SLC37A3: variants seen among roughly 807,000 people sequenced by gnomAD.
The protein encoded by SLC37A3 is sugar phosphate exchanger 3.
In SLC37A3, 51 loss-of-function variants were observed where a neutral mutation model predicts 67.1. The ratio of observed to expected loss-of-function variants is 0.76; its 90% CI spans 0.61 to 0.96. The LOEUF is 0.96. Ranked by LOEUF, SLC37A3 falls within the 40% of genes least tolerant of loss-of-function variation. SLC37A3 has a pLI of 0.00. For missense variants in SLC37A3, 508 were observed against 603.0 expected, an observed-to-expected ratio of 0.84 and a Z score of 1.65; for synonymous variants, 214 against 231.4, an observed-to-expected ratio of 0.92 and a Z score of 0.68.
chr7:140,357,202 G>A lies in SLC37A3; in HGVS notation c.521+1438C>T, dbSNP rs539166290. On this transcript the variant is annotated intron_variant, in intron 6 of 14. Transcript: ENST00000326232. ...GCACTCCAGCCTGGGCAGTAAGAGC[G>A]AAACTCTGTCCTGGGGAAAAACAAA... Among the ~76,000 whole-genome samples, 9 of 151,928 alleles carry A rather than the reference G, an allele frequency of 5.9e-5. No homozygotes were observed. In the South Asian group the frequency reaches 1.7e-3, roughly 28 times the overall value.
chr7:140,349,717 A>G (rs1796717224), intron 9 of SLC37A3, among the ~76,000 whole-genome samples: 1 of 152,214 alleles, frequency 6.6e-6, no homozygotes, highest in Non-Finnish European at 1.5e-5. Flanking sequence ...ACAGCCTGCT[A>G]CAAAGACAAA....
At chr7:140,350,503 G>T (rs551220806) in intron 9 of SLC37A3, among the ~76,000 whole-genome samples, 1 of 151,762 alleles carries the variant, frequency 6.6e-6, no homozygotes, top group Non-Finnish European at 1.5e-5. Context: ...GGTGGCTCAC[G>T]CCTGTAATCC....
intron 7 of SLC37A3, among the ~76,000 whole-genome samples, chr7:140,353,778 T>A (rs572634850): frequency 1.8e-4 from 28 of 152,052 alleles, no homozygotes; most frequent in African/African-American, 6.5e-4. Context: ...AATGGCATGA[T>A]CTTGGCTCAC....
chr7:140,383,703 G>T (rs1798343104), intron 1 of SLC37A3, among the ~76,000 whole-genome samples: 1 of 151,460 alleles, frequency 6.6e-6, no homozygotes, highest in South Asian at 2.1e-4. Context: ...TTGAGACAGG[G>T]TCTCACTCTG....
At position 140,345,324 on chromosome 7, in the gene SLC37A3, C is replaced by T. The variant is rs1311835393; in HGVS notation, c.1127-61G>A. On this transcript the variant is annotated intron_variant, in intron 11 of 14. Transcript: ENST00000326232. ...GAAAAGCAGACTCCACGTGCCTCTG[C>T]CAACCGTACGCGAAGATCTGAATCT... 2.3e-6 allele frequency: 3 copies of T among 1,317,460 alleles called. No homozygotes were observed. The African/African-American group carries it at 4.3e-5, about 19-fold the overall frequency. The allele number at this position is 1,317,460 out of a possible 1,614,324, so 81.6% of individuals were successfully genotyped here. A position where few individuals can be genotyped will look rare whatever the true frequency, so the allele number is the denominator to read the frequency against.
Position 140,345,260 on chromosome 7 carries a change from G to A in SLC37A3, c.1130C>T (p.Ser377Phe). 1 of 1,613,952 alleles carries A rather than the reference G, an allele frequency of 6.2e-7. No individual in the cohort carries two copies. Among genetic ancestry groups the A allele is most frequent in the Non-Finnish European group, 8.5e-7 (1 of 1,179,830 alleles). Residue 377 changes from serine to phenylalanine, a missense_variant, in exon 12 of 15, where the codon TCT becomes TTT. Physicochemically the swap from Ser to Phe is radical, Grantham distance 155 (BLOSUM62 -2). Coordinates refer to ENST00000326232, the MANE Select transcript of SLC37A3 (RefSeq NM_207113.3). Reference protein sequence around the residue: ...AVGSLIGYSRSPNDKSINALL... With the variant: ...AVGSLIGYSRFPNDKSINALL... ...GGCATTGATGGACTTATCATTTGGA[G>A]AACCTGTGAGGGAAGACACAGACAA... is the stretch of plus-strand genomic sequence containing the variant.
chr7:140,387,743 T>TATATAAATATAAATATATTATATATATTA (rs1256381970), intron 1 of SLC37A3, among the ~76,000 whole-genome samples: 1 of 21,294 alleles, frequency 4.7e-5, no homozygotes, highest in Non-Finnish European at 8.0e-5. Flanking sequence ...ATACTATATA[T>TATATAAATATAAATATATTATATATATTA]TATATAAATA....
At chr7:140,381,403 T>C (rs1798247513) in intron 2 of SLC37A3, among the ~76,000 whole-genome samples, 1 of 151,852 alleles carries the variant, frequency 6.6e-6, no homozygotes. Flanking sequence ...CTCATGGTTG[T>C]GGTCCCAGCT....
At chr7:140,369,715 T>C in intron 3 of SLC37A3, 33 bp from the exon 4 acceptor site, 1 of 1,571,680 alleles carries the variant, frequency 6.4e-7, no homozygotes, top group Non-Finnish European at 8.7e-7. Context: ...GGTCAGTCCC[T>C]GTAGAATCTG....
intron 11 of SLC37A3, 86 bp downstream of exon 11, chr7:140,345,783 A>T (rs1192890036): frequency 6.6e-6 from 7 of 1,058,658 alleles, no homozygotes; most frequent in African/African-American, 1.6e-5. Flanking sequence ...GGCTCTCCCC[A>T]GCACTGGTCA....
chr7:140,335,740 T>C (rs1462273434), intron 14 of SLC37A3, among the ~76,000 whole-genome samples: 3 of 152,348 alleles, frequency 2.0e-5, no homozygotes, highest in Non-Finnish European at 4.4e-5. Context: ...TAATTTGCCA[T>C]AGGCGGAGCA....
At chr7:140,388,323 C>G (rs1466154045) in intron 1 of SLC37A3, among the ~76,000 whole-genome samples, 2 of 151,472 alleles carry the variant, frequency 1.3e-5, no homozygotes, top group Non-Finnish European at 2.9e-5. Context: ...GTCCCAGCTA[C>G]TCAGGAGGCT....
intron 8 of SLC37A3, chr7:140,351,827 C>G (rs757764472): frequency 1.6e-6 from 1 of 616,216 alleles, no homozygotes; most frequent in Non-Finnish European, 2.9e-6. Context: ...TTTGCAAATG[C>G]GAAGATTTTC....
intron 3 of SLC37A3, 73 bp downstream of exon 3, chr7:140,380,209 A>G: frequency 1.2e-6 from 1 of 859,272 alleles, no homozygotes; most frequent in Admixed American, 2.5e-5. Context: ...AGATGCAAAA[A>G]AGAGCTTAAG....
chr7:140,343,963 GCC>G (rs1796457154), intron 12 of SLC37A3: 2 of 235,608 alleles, frequency 8.5e-6, no homozygotes, highest in East Asian at 3.3e-4. Flanking sequence ...AGAGGAAAAA[GCC>G]ACTGCAATGG....
Position 140,358,767 on chromosome 7 carries a change from G to A in SLC37A3, c.394C>T (p.Leu132Phe). Residue 132 changes from leucine to phenylalanine, a missense_variant, in exon 6 of 15, where the codon CTC becomes TTC. Coordinates refer to ENST00000326232, the MANE Select transcript of SLC37A3 (RefSeq NM_207113.3). ...TTGTAGAAACGCAGCCATTCTGTGAGCGCACCAAAGACAAACACCTTGAAG... is the reference window on the plus strand; with the variant it reads ...TTGTAGAAACGCAGCCATTCTGTGAACGCACCAAAGACAAACACCTTGAAG... ...SALVVFVFGA[L>F]TEWLRFYNKW... is the part of the protein sequence containing the mutation. 1 of 1,614,124 alleles carries A rather than the reference G, an allele frequency of 6.2e-7. No individual in the cohort carries two copies. The highest frequency in any genetic ancestry group is 8.5e-7 in the Non-Finnish European group (1 of 1,180,030).
intron 4 of SLC37A3, among the ~76,000 whole-genome samples, chr7:140,365,030 C>T (rs899998172): frequency 6.6e-6 from 1 of 152,100 alleles, no homozygotes; most frequent in African/African-American, 2.4e-5. Context: ...TTCCAGGGCA[C>T]ACTAGCTGCC....
chr7:140,396,882 G>GGT (rs1554438179), intron 1 of SLC37A3, among the ~76,000 whole-genome samples: 1 of 100,866 alleles, frequency 9.9e-6, no homozygotes, highest in Non-Finnish European at 1.9e-5. Context: ...CTCAATTTCT[G>GGT]TTTTTTTTTT....
At position 140,358,631 on chromosome 7, in the gene SLC37A3, G is replaced by C. The variant is rs748313221; in HGVS notation, c.521+9C>G. ...AACAGAGAAATTAGAGAGGAAGGAA[G>C]TGGCATACCCGGCTTTCCCAAACCA... On this transcript the variant is annotated intron_variant, in intron 6 of 14. Coordinates refer to ENST00000326232, the MANE Select transcript of SLC37A3 (RefSeq NM_207113.3). The C allele has an allele frequency of 1.2e-6, 2 of 1,613,350 alleles. No individual in the cohort carries two copies. The highest frequency in any genetic ancestry group is 1.7e-6 in the Non-Finnish European group (2 of 1,179,382).
Sources: gnomAD v4.1 joint callset for allele counts (sites outside exome capture counted in the v4.1 genomes callset) on GRCh38, gnomAD v4.1.1 for gene constraint, MANE v1.5 for transcripts, NCBI Gene and HGNC (gene_info 2026-07-23, HGNC 2026-07-21) for gene names.